LRRD1: variants seen among roughly 807,000 people sequenced by gnomAD.
LRRD1 encodes the protein leucine rich repeats and death domain containing 1, also known as leucine-rich repeat and death domain-containing protein 1.
In LRRD1, 49 loss-of-function variants were observed where a neutral mutation model predicts 69.5. The ratio of observed to expected loss-of-function variants is 0.70; its 90% CI spans 0.56 to 0.89. The LOEUF (loss-of-function observed/expected upper bound fraction) is 0.89. Ranked by LOEUF, LRRD1 falls within the 40% of genes least tolerant of loss-of-function variation. The pLI is 0.00. For missense variants in LRRD1, 853 were observed against 956.0 expected, an observed-to-expected ratio of 0.89 and a Z score of 1.42; for synonymous variants, 303 against 338.9, an observed-to-expected ratio of 0.89 and a Z score of 1.16.
intron 3 of LRRD1, among the ~76,000 whole-genome samples, chr7:92,158,096 C>T (rs901676716): frequency 6.6e-6 from 1 of 152,074 alleles, no homozygotes; most frequent in Non-Finnish European, 1.5e-5. Context: ...CTCCTGTTAC[C>T]CCCTTGTGTA....
At chr7:92,165,883 A>AT (rs1302975517) in intron 1 of LRRD1, among the ~76,000 whole-genome samples, 1 of 150,328 alleles carries the variant, frequency 6.7e-6, no homozygotes, top group African/African-American at 2.4e-5. Flanking sequence ...AAAAAAAAAA[A>AT]GGTAACATAA....
At chr7:92,144,775 A>G (rs1820274386), downstream of LRRD1, 1 of 569,130 alleles carries the variant, frequency 1.8e-6, no homozygotes, top group African/African-American at 1.9e-5. Context: ...CTTAAGAATG[A>G]AAGAAAAAAG....
At chr7:92,166,563 C>T in intron 1 of LRRD1, among the ~76,000 whole-genome samples, 1 of 152,094 alleles carries the variant, frequency 6.6e-6, no homozygotes, top group East Asian at 1.9e-4. Flanking sequence ...ATTATAAAGC[C>T]ATCAATATAT....
In LRRD1 at chr7:92,150,680, G is replaced by T. The variant is rs1421801108; in HGVS notation, c.2132C>A (p.Ala711Asp). Residue 711 changes from alanine to aspartate, a missense_variant, in exon 4 of 6, where the codon GCT becomes GAT. Physicochemically the swap from Ala to Asp is moderately radical, Grantham distance 126. Transcript: ENST00000458448. ...AATATTGTAGATAGCACTAGGTAGA[G>T]CTGTCAGATTATTTCCTAGTAGAAA... ...QLNLSGNNLT[A>D]LPSAIYNIFS... The T allele has an allele frequency of 3.9e-6, 6 of 1,539,526 alleles. No homozygotes were observed. In the East Asian group the frequency reaches 7.3e-5, roughly 19 times the overall value.
intron 2 of LRRD1, among the ~76,000 whole-genome samples, chr7:92,160,566 A>G (rs1049796451): frequency 6.6e-6 from 1 of 152,174 alleles, no homozygotes; most frequent in African/African-American, 2.4e-5. Flanking sequence ...TCACACCTGT[A>G]ATCCCAGCAC....
At chr7:92,145,606 AT>A (rs1820304412) in intron 5 of LRRD1, among the ~76,000 whole-genome samples, 1 of 151,782 alleles carries the variant, frequency 6.6e-6, no homozygotes, top group Non-Finnish European at 1.5e-5. Context: ...CACCGGGCTA[AT>A]TTTTTGTATT....
At chr7:92,153,018 T>G (rs139711171) in intron 3 of LRRD1, among the ~76,000 whole-genome samples, 51 of 152,074 alleles carry the variant, frequency 3.4e-4, no homozygotes, top group African/African-American at 1.2e-3. Flanking sequence ...TAATTTGCAT[T>G]TCTCTAATAT....
intron 1 of LRRD1, among the ~76,000 whole-genome samples, chr7:92,171,311 A>C (rs1789052254): frequency 6.6e-6 from 1 of 152,104 alleles, no homozygotes; most frequent in African/African-American, 2.4e-5. Flanking sequence ...AAGAAGACCC[A>C]AATAAGTAAA....
At chr7:92,169,236 A>T (rs1384740348) in intron 1 of LRRD1, among the ~76,000 whole-genome samples, 2 of 152,158 alleles carry the variant, frequency 1.3e-5, no homozygotes, top group Non-Finnish European at 2.9e-5. Flanking sequence ...ATTTTAAGGC[A>T]GTGATCTCAA....
Position 92,164,104 on chromosome 7 carries a change from T to A in LRRD1, c.1099A>T (p.Lys367Ter). ...CTAAGTTCCCTGAAATTCTCAATTT[T>A]GTGTGAAATAACTTCCAATTTATTG... ...ADNKLEVISH[K>*]IENFRELRIL... Residue 367 changes from lysine to a stop codon, truncating the protein, a stop_gained, in exon 2 of 6, where the codon AAA (lysine) becomes TAA (stop). Coordinates refer to ENST00000458448, the MANE Select transcript of LRRD1 (RefSeq NM_001161528.2). LOFTEE classifies it high-confidence loss of function. 1 of 1,548,900 alleles carries A rather than the reference T, an allele frequency of 6.5e-7. No homozygotes were observed. The highest frequency in any genetic ancestry group is 1.7e-4 in the Middle Eastern group (1 of 5,970).
At position 92,163,877 on chromosome 7, in the gene LRRD1, G is replaced by A. The variant is rs746973318; in HGVS notation, c.1326C>T (p.Asn442=). 2.6e-6 allele frequency: 4 copies of A among 1,520,230 alleles called. No homozygotes were observed. Among genetic ancestry groups the A allele is most frequent in the East Asian group, 2.5e-5 (1 of 40,680 alleles). 94.2% of individuals were successfully genotyped at this position (1,520,230 alleles called of 1,614,324 possible). A position where few individuals can be genotyped will look rare whatever the true frequency, so the allele number is the denominator to read the frequency against. Residue 442 remains asparagine (N), a synonymous_variant, in exon 2 of 6, where the codon AAC becomes AAT. Coordinates refer to ENST00000458448, the MANE Select transcript of LRRD1 (RefSeq NM_001161528.2). The part of the protein sequence containing the change: ...KITDCISHLN[N]ICSLEFSGNI... Reference sequence around the variant, plus strand: ...TTCCTGAAAATTCTAGACTGCATATGTTATTAAGATGTGAGATACAGTCAG... The same window carrying A: ...TTCCTGAAAATTCTAGACTGCATATATTATTAAGATGTGAGATACAGTCAG...
At chr7:92,172,770 G>A (rs1789084713) in intron 1 of LRRD1, among the ~76,000 whole-genome samples, 1 of 151,952 alleles carries the variant, frequency 6.6e-6, no homozygotes, top group Non-Finnish European at 1.5e-5. Flanking sequence ...ACTACCCAAA[G>A]CAATTTACAG....
chr7:92,178,211 G>A (rs1174518305), intron 1 of LRRD1, among the ~76,000 whole-genome samples: 1 of 152,102 alleles, frequency 6.6e-6, no homozygotes, highest in African/African-American at 2.4e-5. Flanking sequence ...TACTCGGGAG[G>A]CTGCGGCAGG....
intron 4 of LRRD1, among the ~76,000 whole-genome samples, chr7:92,148,048 C>T (rs1486366684): frequency 1.3e-5 from 2 of 152,158 alleles, no homozygotes; most frequent in African/African-American, 4.8e-5. Context: ...ATTAGCAATT[C>T]TCCTGCCTCA....
At chr7:92,174,505 A>G (rs1479235057) in intron 1 of LRRD1, among the ~76,000 whole-genome samples, 334 of 19,240 alleles carry the variant, frequency 0.017, 8 homozygotes, top group South Asian at 0.055. Flanking sequence ...ATATATATAT[A>G]TATATTTTTT....
rs192755323 is a variant in LRRD1, at chr7:92,174,918, A to C, written c.-75+4089T>G. Among the ~76,000 whole-genome samples, 291 of 151,940 alleles carry C rather than the reference A, an allele frequency of 1.9e-3. 3 individuals are homozygous for C. The highest frequency in any genetic ancestry group is 6.5e-3 in the African/African-American group (268 of 41,448). ...CTCTACTAAAAATAAAAATAAAAAA[A>C]TTAGCTGGGAGTGGTGGTCCATGCC... On this transcript the variant is annotated intron_variant, in intron 1 of 5. Transcript: ENST00000458448.
chr7:92,177,893 T>G (rs1370915074), intron 1 of LRRD1, among the ~76,000 whole-genome samples: 2 of 152,190 alleles, frequency 1.3e-5, no homozygotes, highest in Admixed American at 6.5e-5. Flanking sequence ...CAATGAAATT[T>G]CCATTAATCC....
In LRRD1 at chr7:92,165,005, C is replaced by A; in HGVS notation, c.198G>T (p.Glu66Asp). 6.4e-7 allele frequency: 1 copy of A among 1,551,310 alleles called. No homozygotes were observed. Among genetic ancestry groups the A allele is most frequent in the Non-Finnish European group, 8.7e-7 (1 of 1,146,864 alleles). Reference sequence around the variant, plus strand: ...ACTTCCTTCCAGAGGAAGATGTTGACTCTAATGTATTCTGTCTAGGATGTG... The same window carrying A: ...ACTTCCTTCCAGAGGAAGATGTTGAATCTAATGTATTCTGTCTAGGATGTG... ...YETHPRQNTL[E>D]STSSSGRKSK... The change falls in exon 2 of 6, where the codon GAG (glutamate) becomes GAT (aspartate). Residue 66 changes from glutamate to aspartate, a missense_variant. Physicochemically the swap from Glu to Asp is conservative, Grantham distance 45. Coordinates refer to ENST00000458448, the MANE Select transcript of LRRD1 (RefSeq NM_001161528.2).
At chr7:92,150,399 A>G (rs1325678690) in intron 4 of LRRD1, 135 bp downstream of exon 4, 29 of 680,996 alleles carry the variant, frequency 4.3e-5, no homozygotes, top group Non-Finnish European at 5.8e-5. Context: ...CAGGAGTCCG[A>G]GGCTGCAGTG....
Sources: gnomAD v4.1 joint callset for allele counts (sites outside exome capture counted in the v4.1 genomes callset) on GRCh38, gnomAD v4.1.1 for gene constraint, MANE v1.5 for transcripts, NCBI Gene and HGNC (gene_info 2026-07-23, HGNC 2026-07-21) for gene names.